CDH23: variants seen among roughly 807,000 people sequenced by gnomAD.
CDH23 encodes the protein cadherin-23.
A neutral mutation model predicts 317.1 loss-of-function variants in CDH23; 189 were observed. The ratio of observed to expected loss-of-function variants is 0.60; its 90% confidence interval spans 0.53 to 0.67. The LOEUF is 0.67. Ranked by LOEUF, CDH23 falls within the 30% of genes least tolerant of loss-of-function variation. The pLI is 0.00. For missense variants in CDH23, 4,401 were observed against 4,592.4 expected, an observed-to-expected ratio of 0.96 and a Z score of 1.20; for synonymous variants, 1,839 against 1,876.8, an observed-to-expected ratio of 0.98 and a Z score of 0.52.
chr10:71,716,376 G>A (rs1250204469), intron 28 of CDH23: 8 of 1,450,206 alleles, frequency 5.5e-6, no homozygotes, highest in Admixed American at 2.7e-5. Context: ...CTCAAAGGCA[G>A]ATCAGCTGGA....
rs367844652 is a variant in CDH23 at position 71,703,500 on chromosome 10, C to T, written c.2733+806C>T. Among the ~76,000 whole-genome samples the T allele has an allele frequency of 4.6e-5, 7 of 152,338 alleles. No individual in the cohort carries two copies. In the East Asian group the frequency reaches 9.6e-4, roughly 21 times the overall value. ...TGCTGTGGGGACTCAATCAGACACA[C>T]GTATGAAGCACCCTGGAACTTGGAC... is the stretch of plus-strand genomic sequence containing the variant. On this transcript the variant is annotated intron_variant, in intron 24 of 69. Coordinates refer to ENST00000224721, the MANE Select transcript of CDH23 (RefSeq NM_022124.6).
chr10:71,446,426 A>C, intron 3 of CDH23, 31 bp downstream of exon 3: 1 of 1,604,892 alleles, frequency 6.2e-7, no homozygotes, highest in South Asian at 1.1e-5. Flanking sequence ...GTGGGCGTGC[A>C]GATGGCCTGG....
intron 3 of CDH23, among the ~76,000 whole-genome samples, chr10:71,488,710 A>G (rs976422968): frequency 1.3e-5 from 2 of 152,236 alleles, no homozygotes; most frequent in Non-Finnish European, 2.9e-5. Flanking sequence ...AACGGGACAT[A>G]TGTGCCCTGC....
At chr10:71,607,992 A>C (rs1034543736) in intron 9 of CDH23, among the ~76,000 whole-genome samples, 2 of 152,212 alleles carry the variant, frequency 1.3e-5, no homozygotes, top group Admixed American at 6.5e-5. Flanking sequence ...GCACCACAAT[A>C]AGTGCCTTAC....
chr10:71,667,395 T>TGTGC (rs776161347), intron 14 of CDH23, among the ~76,000 whole-genome samples: 12 of 138,790 alleles, frequency 8.6e-5, no homozygotes, highest in Non-Finnish European at 1.2e-4. Context: ...TGTGTGTGTG[T>TGTGC]GCGCGTGTGT....
chr10:71,463,410 A>G (rs761390469), intron 3 of CDH23, among the ~76,000 whole-genome samples: 1 of 152,180 alleles, frequency 6.6e-6, no homozygotes, highest in Non-Finnish European at 1.5e-5. Flanking sequence ...CTGAAATCCA[A>G]TTATTTTCTG....
At chr10:71,590,900 A>AAAC (rs1859448382) in intron 9 of CDH23, among the ~76,000 whole-genome samples, 1 of 149,200 alleles carries the variant, frequency 6.7e-6, no homozygotes, top group Non-Finnish European at 1.5e-5. Flanking sequence ...AAAAAAACAA[A>AAAC]AAAAAACACC....
At position 71,741,911 on chromosome 10, in the gene CDH23, CA is replaced by C; in HGVS notation, c.4837del (p.Thr1613ProfsTer10). The C allele has an allele frequency of 6.3e-7, 1 of 1,598,964 alleles. No individual in the cohort carries two copies. The highest frequency in any genetic ancestry group is 8.5e-7 in the Non-Finnish European group (1 of 1,172,578). ...GCCACTGTGGAGGACGAGGGCACCC[CA>C]ACCCTGTCGGTGAGCGATGGGGGTG... The part of the protein sequence containing the change: ...LVATVEDEGT[P>X]TLSATTHVYV... On this transcript the variant is annotated frameshift_variant, in exon 38 of 70. Transcript: ENST00000224721. LOFTEE classifies it high-confidence loss of function.
In CDH23 at chr10:71,434,675, C is replaced by T. The variant is rs754047002; in HGVS notation, c.-5-5152C>T. Among the ~76,000 whole-genome samples the T allele has an allele frequency of 5.9e-4, 90 of 152,062 alleles. No individual in the cohort carries two copies. The Middle Eastern group carries it at 0.014, about 23-fold the overall frequency. ...GACAGGAGAAGGTGGTTAATGTGGG[C>T]GGGGCTGCTGCTCTAAATCTGAGAA... is the stretch of plus-strand genomic sequence containing the variant. On this transcript the variant is annotated intron_variant, in intron 1 of 69. Coordinates refer to ENST00000224721, the MANE Select transcript of CDH23 (RefSeq NM_022124.6).
intron 38 of CDH23, among the ~76,000 whole-genome samples, chr10:71,758,848 G>T (rs1484632851): frequency 6.6e-6 from 1 of 152,148 alleles, no homozygotes; most frequent in Non-Finnish European, 1.5e-5. Context: ...GCAACATAGC[G>T]AGAGTGCATC....
At chr10:71,613,894 C>T (rs1257503455) in intron 9 of CDH23, among the ~76,000 whole-genome samples, 2 of 152,216 alleles carry the variant, frequency 1.3e-5, no homozygotes, top group African/African-American at 4.8e-5. Context: ...GGAACCACCT[C>T]AAACAATAAC....
rs777709556 is a variant in CDH23 at position 71,511,187 on chromosome 10, A to T, written c.404A>T (p.Gln135Leu). ...GACAACGCGCCCACATTTCACAATC[A>T]GCCCTACAGCGTCCGCATCCCTGAG... ...VNDNAPTFHN[Q>L]PYSVRIPENT... The change falls in exon 6 of 70, where the codon CAG (glutamine) becomes CTG (leucine). Residue 135 changes from glutamine to leucine, a missense_variant. By Grantham distance (113) the Gln-to-Leu change is moderately radical. Transcript: ENST00000224721. 1.2e-6 allele frequency: 2 copies of T among 1,613,506 alleles called. No homozygotes were observed. The highest frequency in any genetic ancestry group is 1.7e-6 in the Non-Finnish European group (2 of 1,179,638).
At chr10:71,650,909 C>T (rs1200944655) in intron 14 of CDH23, among the ~76,000 whole-genome samples, 1 of 152,236 alleles carries the variant, frequency 6.6e-6, no homozygotes, top group African/African-American at 2.4e-5. Context: ...CTGGACAGTA[C>T]AAGAAGTACA....
At chr10:71,558,582 T>C (rs746425870) in intron 6 of CDH23, among the ~76,000 whole-genome samples, 2 of 152,210 alleles carry the variant, frequency 1.3e-5, no homozygotes, top group Non-Finnish European at 2.9e-5. Flanking sequence ...TCCCACTCTG[T>C]CTTTCATGTT....
intron 9 of CDH23, among the ~76,000 whole-genome samples, chr10:71,610,210 C>T (rs1458141393): frequency 6.6e-6 from 1 of 152,154 alleles, no homozygotes; most frequent in Non-Finnish European, 1.5e-5. Context: ...ACTGTGTTGG[C>T]CATGCTGGTC....
intron 11 of CDH23, among the ~76,000 whole-genome samples, chr10:71,639,778 G>C (rs763638716): frequency 5.3e-5 from 8 of 152,142 alleles, no homozygotes; most frequent in African/African-American, 9.7e-5. Context: ...GTCATAAAAG[G>C]CTCAGCAGCA....
At chr10:71,783,900 A>G (rs967450691) in intron 41 of CDH23, among the ~76,000 whole-genome samples, 2 of 152,200 alleles carry the variant, frequency 1.3e-5, no homozygotes, top group African/African-American at 4.8e-5. Flanking sequence ...ATTGCGAAGC[A>G]CCTGATGCCT....
chr10:71,723,905 C>T, intron 28 of CDH23, 140 bp from the exon 29 acceptor site: 1 of 919,410 alleles, frequency 1.1e-6, no homozygotes, highest in Non-Finnish European at 1.7e-6. Flanking sequence ...TTGTCTCCCA[C>T]ACCCCCAGCC....
rs1241948668 is a variant in CDH23 at position 71,785,648 on chromosome 10, G to A, written c.5730G>A (p.Val1910=). ...CATCCCAGACAGGGATCGTCACTGT[G>A]AACCGGCCCCTGGACCGCGAGCGGA... ...FINATTGIVT[V]NRPLDRERIP... Residue 1910 remains valine, a synonymous_variant, in exon 44 of 70, where the codon GTG becomes GTA. Transcript: ENST00000224721. 6.2e-7 allele frequency: 1 copy of A among 1,602,186 alleles called. No homozygotes were observed.
Sources: gnomAD v4.1 joint callset for allele counts (sites outside exome capture counted in the v4.1 genomes callset) on GRCh38, gnomAD v4.1.1 for gene constraint, MANE v1.5 for transcripts, NCBI Gene and HGNC (gene_info 2026-07-23, HGNC 2026-07-21) for gene names.